Variants in SMG6 observed in about 807,000 individuals in gnomAD.
SMG6 encodes the protein SMG6 nonsense mediated mRNA decay factor.
Under a neutral mutation model 142.2 loss-of-function variants are expected in SMG6, and 66 were observed. The ratio of observed to expected loss-of-function variants is 0.46; its 90% CI spans 0.38 to 0.57. The LOEUF (loss-of-function observed/expected upper bound fraction) is 0.57. Ranked by LOEUF, SMG6 falls within the 20% of genes least tolerant of loss-of-function variation. SMG6 has a pLI of 0.00. For missense variants in SMG6, 1,793 were observed against 1,832.0 expected, an observed-to-expected ratio of 0.98 and a Z score of 0.39; for synonymous variants, 779 against 702.4, an observed-to-expected ratio of 1.11 and a Z score of -1.72.
chr17:2,088,372 G>C, intron 13 of SMG6: 1 of 985,426 alleles, frequency 1.0e-6, no homozygotes, highest in Non-Finnish European at 1.2e-6. Context: ...CTTCCTTACA[G>C]GGTCTGTGGG....
chr17:2,082,525 TG>T (rs1432411959), intron 14 of SMG6, among the ~76,000 whole-genome samples: 2 of 152,322 alleles, frequency 1.3e-5, no homozygotes, highest in East Asian at 3.9e-4. Flanking sequence ...TGAGGACTGC[TG>T]GGCCCCTTTA....
intron 10 of SMG6, chr17:2,215,631 AGCGT>A (rs2151755581): frequency 6.6e-6 from 1 of 152,318 alleles, no homozygotes; most frequent in African/African-American, 2.4e-5. Context: ...CAGGGTGATC[AGCGT>A]GCTGAAAAAC....
At chr17:2,266,095 T>C (rs2074417592) in intron 8 of SMG6, 1 of 985,294 alleles carries the variant, frequency 1.0e-6, no homozygotes, top group South Asian at 4.7e-5. Context: ...TACTTTCTGT[T>C]CACCATGCGT....
intron 10 of SMG6, among the ~76,000 whole-genome samples, chr17:2,224,091 C>T (rs76132818): frequency 0.01 from 1,556 of 152,118 alleles, 31 homozygotes; most frequent in African/African-American, 0.034. Context: ...GAAAAGCATT[C>T]GTGAGCTAGT....
chr17:2,179,340 T>TC (rs896972349), intron 12 of SMG6, among the ~76,000 whole-genome samples: 3 of 152,188 alleles, frequency 2.0e-5, no homozygotes, highest in African/African-American at 7.2e-5. Flanking sequence ...AGTTCTTATT[T>TC]CAGAGCTGCC....
At chr17:2,084,280 C>G (rs1450218023) in intron 14 of SMG6, among the ~76,000 whole-genome samples, 1 of 152,256 alleles carries the variant, frequency 6.6e-6, no homozygotes, top group African/African-American at 2.4e-5. Context: ...TTGGGTGGCA[C>G]TGCTCTGCCC....
chr17:2,145,197 T>C (rs1391469509), intron 13 of SMG6, among the ~76,000 whole-genome samples: 3 of 152,216 alleles, frequency 2.0e-5, no homozygotes, highest in Admixed American at 6.5e-5. Context: ...CACTGCAACA[T>C]CTACCTCCTG....
At chr17:2,280,453 C>A in intron 8 of SMG6, 1 of 255,396 alleles carries the variant, frequency 3.9e-6, no homozygotes, top group Non-Finnish European at 6.2e-6. Flanking sequence ...TTAGTAGAGA[C>A]AGGGTTTCAC....
chr17:2,199,247 CA>C (rs1290047071), intron 10 of SMG6, among the ~76,000 whole-genome samples: 9 of 152,200 alleles, frequency 5.9e-5, no homozygotes, highest in Non-Finnish European at 1.3e-4. Flanking sequence ...AAAGCGGCTT[CA>C]AACATGAGTC....
Position 2,236,579 on chromosome 17 carries a change from G to A in SMG6, c.2782C>T (p.Gln928Ter). ...CTTCCAATGGGAGAGGGGCTGTGCT[G>A]CAGTAACACCTGGAACTCCTTGAGG... is the stretch of plus-strand genomic sequence containing the variant. ...KVLKEFQVLL[Q>*]HSPSPIGSTR... is the part of the protein sequence containing the mutation. Residue 928 changes from glutamine (Q) to a stop codon, truncating the protein, a stop_gained, in exon 10 of 19, where the codon CAG (glutamine) becomes TAG (stop). Coordinates refer to ENST00000263073, the MANE Select transcript of SMG6 (RefSeq NM_017575.5). LOFTEE classifies it high-confidence loss of function. The A allele has an allele frequency of 6.2e-7, 1 of 1,613,794 alleles. No homozygotes were observed. The highest frequency in any genetic ancestry group is 8.5e-7 in the Non-Finnish European group (1 of 1,179,900).
chr17:2,190,927 G>C (rs186607302), intron 10 of SMG6, among the ~76,000 whole-genome samples: 1 of 152,272 alleles, frequency 6.6e-6, no homozygotes, highest in Non-Finnish European at 1.5e-5. Flanking sequence ...AACGATCAAG[G>C]GGGTCAGCAT....
chr17:2,112,240 C>G (rs1208990650), intron 13 of SMG6, among the ~76,000 whole-genome samples: 1 of 151,742 alleles, frequency 6.6e-6, no homozygotes, highest in Non-Finnish European at 1.5e-5. Flanking sequence ...CGCGGTGGCT[C>G]ACGCCTGTAA....
intron 10 of SMG6, among the ~76,000 whole-genome samples, chr17:2,211,057 G>A (rs2072840311): frequency 6.8e-6 from 1 of 147,392 alleles, no homozygotes; most frequent in African/African-American, 2.5e-5. Flanking sequence ...TCAAACCGAT[G>A]GACTTTCAAA....
In SMG6 at chr17:2,081,878, G is replaced by A; in HGVS notation, c.3613C>T (p.Leu1205Phe). Residue 1205 changes from leucine (L) to phenylalanine (F), a missense_variant, in exon 15 of 19, where the codon CTT (leucine) becomes TTT (phenylalanine). This residue lies in a region of SMG6 where 1,597 missense variants were observed against 1,584.6 expected (regional missense o/e 1.01). Transcript: ENST00000263073. ...GSGGEDDIRE[L>F]RAKKLALARK... is the part of the protein sequence containing the mutation. ...GCCAGAGCCAGCTTCTTGGCCCGAA[G>A]CTCCCTGATGTCATCCTCGCCTCCG... 1 of 1,614,134 alleles carries A rather than the reference G, an allele frequency of 6.2e-7. No homozygotes were observed. Among genetic ancestry groups the A allele is most frequent in the Admixed American group, 1.7e-5 (1 of 60,030 alleles).
Position 2,221,881 on chromosome 17 carries a change from T to C in SMG6, c.2869+14611A>G, listed in dbSNP as rs186094874. On this transcript the variant is annotated intron_variant, in intron 10 of 18. Transcript: ENST00000263073. ...GCCTCAGCCTCCCAAGTAGCTGGGA[T>C]TACTACCATGCCTGGCTAATTTTTG... 4.8e-3 allele frequency among the ~76,000 whole-genome samples: 737 copies of C among 152,282 alleles called. 6 individuals are homozygous for C. Among genetic ancestry groups the C allele is most frequent in the Non-Finnish European group, 8.3e-3 (566 of 68,022 alleles).
At chr17:2,061,829 C>T in intron 18 of SMG6, 2 of 563,962 alleles carry the variant, frequency 3.5e-6, no homozygotes, top group South Asian at 4.0e-5. Context: ...GGGCTTCTGC[C>T]TTGACTCCGG....
intron 13 of SMG6, among the ~76,000 whole-genome samples, chr17:2,111,556 C>T (rs909370864): frequency 3.9e-5 from 6 of 152,088 alleles, no homozygotes; most frequent in African/African-American, 7.2e-5. Flanking sequence ...GGACCACAGG[C>T]GCCTGCCACC....
chr17:2,233,136 AG>A (rs916313393), intron 10 of SMG6: 5 of 152,292 alleles, frequency 3.3e-5, no homozygotes, highest in African/African-American at 1.2e-4. Flanking sequence ...TTTTAGAGAA[AG>A]GAATCTGCTC....
At chr17:2,176,114 C>A (rs2071646318) in intron 12 of SMG6, among the ~76,000 whole-genome samples, 1 of 152,196 alleles carries the variant, frequency 6.6e-6, no homozygotes, top group African/African-American at 2.4e-5. Context: ...TGAGGTAATT[C>A]CTGGAAGCTG....
Sources: allele counts gnomAD v4.1 joint callset (sites outside exome capture counted in the v4.1 genomes callset), GRCh38; gene constraint gnomAD v4.1.1; regional missense constraint gnomAD v4.1.1; transcripts MANE v1.5; gene names NCBI Gene and HGNC (gene_info 2026-07-23, HGNC 2026-07-21).